The following CCDC178 variants were observed in gnomAD, a reference collection of about 807,000 sequenced individuals.
CCDC178 encodes the protein coiled-coil domain-containing protein 178.
Under a neutral mutation model 117.4 loss-of-function variants are expected in CCDC178, and 126 were observed. That is an observed-to-expected ratio of 1.07 (90% CI 0.93 to 1.24). The LOEUF (loss-of-function observed/expected upper bound fraction) is 1.24. Among genes scored for constraint, CCDC178 ranks in the 50% most tolerant of loss-of-function variants. CCDC178 has a pLI of 0.00. For synonymous variants in CCDC178, 283 were observed against 313.4 expected, an observed-to-expected ratio of 0.90 and a Z score of 1.02; for missense variants, 1,030 against 986.9, an observed-to-expected ratio of 1.04 and a Z score of -0.59.
chr18:33,411,248 T>A (rs1014167609), intron 3 of CCDC178, among the ~76,000 whole-genome samples: 2 of 152,194 alleles, frequency 1.3e-5, no homozygotes, highest in Non-Finnish European at 2.9e-5. Flanking sequence ...GTATTCAAGG[T>A]TAAGTTCTAT....
At position 33,351,148 on chromosome 18, in the gene CCDC178, A is replaced by ATGTGTGTGTGTGTGTGTG. The variant is rs143702049; in HGVS notation, c.372-2191_372-2174dup. On this transcript the variant is annotated intron_variant, in intron 7 of 22. Coordinates refer to ENST00000383096, the MANE Select transcript of CCDC178 (RefSeq NM_001105528.4). ...TCTAGGATAAATCTCACTGATCATG[A>ATGTGTGTGTGTGTGTGTG]TGTGTGTGTGTGTGTGTGTGTGTGT... is the stretch of plus-strand genomic sequence containing the variant. Among the ~76,000 whole-genome samples the ATGTGTGTGTGTGTGTGTG allele has an allele frequency of 2.3e-3, 322 of 138,146 alleles. 1 individual carries two copies. Among genetic ancestry groups the ATGTGTGTGTGTGTGTGTG allele is most frequent in the African/African-American group, 8.5e-3 (304 of 35,968 alleles). The allele number at this position is 138,146 out of a possible 152,430, so 90.6% of individuals were successfully genotyped here.
chr18:33,418,902 C>T (rs2063985327), intron 2 of CCDC178, among the ~76,000 whole-genome samples: 1 of 152,078 alleles, frequency 6.6e-6, no homozygotes, highest in Admixed American at 6.6e-5. Flanking sequence ...TTAAAATGGC[C>T]ACATTTCCCA....
At chr18:33,258,981 T>C (rs2059711205) in intron 14 of CCDC178, among the ~76,000 whole-genome samples, 1 of 152,102 alleles carries the variant, frequency 6.6e-6, no homozygotes, top group South Asian at 2.1e-4. Context: ...GCACATAACG[T>C]ACATCAACAA....
rs559425723 is a variant in CCDC178 at position 33,029,184 on chromosome 18, T to G, written c.2389-54503A>C. 2.0e-5 allele frequency among the ~76,000 whole-genome samples: 3 copies of G among 152,088 alleles called. No individual in the cohort carries two copies. The East Asian group carries it at 5.8e-4, about 29-fold the overall frequency. On this transcript the variant is annotated intron_variant, in intron 21 of 22. Coordinates refer to ENST00000383096, the MANE Select transcript of CCDC178 (RefSeq NM_001105528.4). ...CGAAAAGTTTTGATTACTAATTCAA[T>G]ATAATTACTTCTTATAAGTCTACTC...
intron 21 of CCDC178, among the ~76,000 whole-genome samples, chr18:33,051,612 G>C (rs2056749256): frequency 6.6e-6 from 1 of 152,188 alleles, no homozygotes; most frequent in African/African-American, 2.4e-5. Context: ...GACTAATGTA[G>C]TTATTTGCAA....
Position 33,096,357 on chromosome 18 carries a change from AAT to A in CCDC178, c.2239-3449_2239-3448del, listed in dbSNP as rs1249311500. ...ATAAAATTTTTATATTTTATATAAAAATATAAAATTTTTATATTTTATATAAA... is the reference window on the plus strand; with the variant it reads ...ATAAAATTTTTATATTTTATATAAAAATAAAATTTTTATATTTTATATAAA... On this transcript the variant is annotated intron_variant, in intron 20 of 22. Coordinates refer to ENST00000383096, the MANE Select transcript of CCDC178 (RefSeq NM_001105528.4). Among the ~76,000 whole-genome samples the A allele has an allele frequency of 3.6e-4, 42 of 117,806 alleles. No homozygotes were observed. The East Asian group carries it at 7.5e-3, about 21-fold the overall frequency. The allele number at this position is 117,806 out of a possible 152,430, so 77.3% of individuals were successfully genotyped here. A position where few individuals can be genotyped will look rare whatever the true frequency, so the allele number is the denominator to read the frequency against.
chr18:33,211,870 T>C (rs772279124), intron 20 of CCDC178, 26 bp downstream of exon 20: 1 of 1,584,220 alleles, frequency 6.3e-7, no homozygotes, highest in South Asian at 1.2e-5. Context: ...TCCTTTCATT[T>C]TGAAACATGC....
At chr18:33,230,498 C>T (rs2059357312) in intron 15 of CCDC178, among the ~76,000 whole-genome samples, 1 of 151,976 alleles carries the variant, frequency 6.6e-6, no homozygotes, top group Non-Finnish European at 1.5e-5. Flanking sequence ...TAATATTTGC[C>T]AAATGAATAA....
At position 32,944,763 on chromosome 18, in the gene CCDC178, G is replaced by A. The variant is rs149582694; in HGVS notation, c.2524-6672C>T. Among the ~76,000 whole-genome samples, 9 of 152,272 alleles carry A rather than the reference G, an allele frequency of 5.9e-5. No individual in the cohort carries two copies. The East Asian group carries it at 1.5e-3, about 26-fold the overall frequency. ...ATGTGTTGTGGGAGGGACCCAGTGG[G>A]AGATAATTAATCATGGGGTGGTTTC... is the stretch of plus-strand genomic sequence containing the variant. On this transcript the variant is annotated intron_variant, in intron 22 of 22. Transcript: ENST00000383096.
At chr18:33,314,200 CAAAAAAAAAAAAAAAAAAAAAA>C (rs869127341) in intron 11 of CCDC178, among the ~76,000 whole-genome samples, 1 of 62,426 alleles carries the variant, frequency 1.6e-5, no homozygotes, top group Non-Finnish European at 2.9e-5. Flanking sequence ...GACTCCGTCT[CAAAAAAAAAAAAAAAAAAAAAA>C]AAAAAAAAAA....
At chr18:33,242,625 A>AT (rs397812726) in intron 15 of CCDC178, among the ~76,000 whole-genome samples, 5 of 151,374 alleles carry the variant, frequency 3.3e-5, no homozygotes, top group African/African-American at 7.3e-5. Context: ...TCAAAAAAAA[A>AT]TCATACAAAT....
chr18:33,361,572 A>G (rs1191279916), intron 6 of CCDC178, among the ~76,000 whole-genome samples: 1 of 151,836 alleles, frequency 6.6e-6, no homozygotes, highest in African/African-American at 2.4e-5. Context: ...TCTGATAAGG[A>G]GTTAATATGA....
At chr18:33,170,070 G>T (rs2144419171) in intron 20 of CCDC178, among the ~76,000 whole-genome samples, 1 of 152,138 alleles carries the variant, frequency 6.6e-6, no homozygotes, top group Middle Eastern at 3.4e-3. Flanking sequence ...GTGTGTGTGT[G>T]TGTGTGTGTA....
At chr18:32,984,702 TATAAA>T (rs1384464188) in intron 21 of CCDC178, among the ~76,000 whole-genome samples, 1 of 151,904 alleles carries the variant, frequency 6.6e-6, no homozygotes, top group East Asian at 1.9e-4. Context: ...AAAACAAAAT[TATAAA>T]ATAAAATTAC....
At chr18:32,990,703 T>G (rs2055369795) in intron 21 of CCDC178, among the ~76,000 whole-genome samples, 1 of 152,064 alleles carries the variant, frequency 6.6e-6, no homozygotes, top group Non-Finnish European at 1.5e-5. Flanking sequence ...ATCAAAACTT[T>G]GTTCATCCAA....
chr18:33,118,405 C>T (rs2144198842), intron 20 of CCDC178, among the ~76,000 whole-genome samples: 1 of 152,140 alleles, frequency 6.6e-6, no homozygotes, highest in East Asian at 1.9e-4. Context: ...GCTCCACTCA[C>T]TATTATCCCT....
intron 20 of CCDC178, among the ~76,000 whole-genome samples, chr18:33,123,892 T>C (rs982936679): frequency 1.3e-5 from 2 of 152,314 alleles, no homozygotes; most frequent in East Asian, 3.9e-4. Context: ...CTGTCCCTTT[T>C]AATCTTAATG....
At chr18:33,252,370 A>G (rs917616880) in intron 14 of CCDC178, among the ~76,000 whole-genome samples, 11 of 151,784 alleles carry the variant, frequency 7.2e-5, no homozygotes, top group Non-Finnish European at 8.9e-5. Context: ...TGGAAAAAAA[A>G]GTCTAAAATG....
intron 20 of CCDC178, among the ~76,000 whole-genome samples, chr18:33,125,142 C>T (rs1416594106): frequency 6.6e-6 from 1 of 152,078 alleles, no homozygotes; most frequent in Non-Finnish European, 1.5e-5. Context: ...GCTTCAATAT[C>T]TCATCCTACC....
Sources: gnomAD v4.1 joint callset for allele counts (sites outside exome capture counted in the v4.1 genomes callset) on GRCh38, gnomAD v4.1.1 for gene constraint, MANE v1.5 for transcripts, NCBI Gene and HGNC (gene_info 2026-07-23, HGNC 2026-07-21) for gene names.